ITPR2: variants seen among roughly 807,000 people sequenced by gnomAD.
ITPR2 encodes inositol 1,4,5-trisphosphate-gated calcium channel ITPR2.
A neutral mutation model predicts 317.1 loss-of-function variants in ITPR2; 207 were observed. The ratio of observed to expected loss-of-function variants is 0.65; its 90% CI spans 0.58 to 0.73. The LOEUF is 0.73. Among genes scored for constraint, ITPR2 ranks in the 30% least tolerant of loss-of-function variants. The pLI is 0.00. For missense variants in ITPR2, 2,613 were observed against 3,284.0 expected (o/e 0.80, Z 4.99); for synonymous variants, 1,156 against 1,149.1 (o/e 1.01, Z -0.12).
At chr12:26,730,136 C>T (rs529616570) in intron 2 of ITPR2, among the ~76,000 whole-genome samples, 44 of 152,254 alleles carry the variant, frequency 2.9e-4, no homozygotes, top group African/African-American at 1.0e-3. Flanking sequence ...CACGATGTGT[C>T]TTTGTATACA....
rs538221512 is a variant in ITPR2, at chr12:26,718,997, T to G, written c.526-2755A>C. The stretch of plus-strand genomic sequence containing the variant: ...CTTCCAGTGGTTCATTAAAAAATGG[T>G]ATTCATAAGTAGAATCTAACATTAA... On this transcript the variant is annotated intron_variant, in intron 5 of 56. Coordinates refer to ENST00000381340, the MANE Select transcript of ITPR2 (RefSeq NM_002223.4). Among the ~76,000 whole-genome samples the G allele has an allele frequency of 6.6e-5, 10 of 152,276 alleles. No homozygotes were observed. The South Asian group carries it at 2.1e-3, about 32-fold the overall frequency.
chr12:26,494,387 T>C (rs752542718), intron 38 of ITPR2, 47 bp from the exon 39 acceptor site: 1 of 1,214,814 alleles, frequency 8.2e-7, no homozygotes, highest in Admixed American at 2.6e-5. Context: ...GTAGACATTA[T>C]TAATATGTAA....
At chr12:26,776,396 C>T (rs1949970665) in intron 2 of ITPR2, among the ~76,000 whole-genome samples, 1 of 152,182 alleles carries the variant, frequency 6.6e-6, no homozygotes, top group South Asian at 2.1e-4. Context: ...AGCCTCAAAT[C>T]TGCTAAGACT....
At chr12:26,651,210 TC>T (rs956530067) in intron 21 of ITPR2, among the ~76,000 whole-genome samples, 1 of 152,304 alleles carries the variant, frequency 6.6e-6, no homozygotes, top group Admixed American at 6.5e-5. Flanking sequence ...CTTCAGGGAC[TC>T]CAGTTATTCA....
intron 1 of ITPR2, among the ~76,000 whole-genome samples, chr12:26,805,560 C>A (rs535140769): frequency 6.6e-6 from 1 of 152,064 alleles, no homozygotes; most frequent in South Asian, 2.1e-4. Flanking sequence ...CAAATATTTA[C>A]TGACCAGCTA....
chr12:26,511,952 T>C (rs1215607552), intron 37 of ITPR2, among the ~76,000 whole-genome samples: 2 of 152,298 alleles, frequency 1.3e-5, no homozygotes. Flanking sequence ...TAAAATCTCC[T>C]TCTCTGAAAC....
chr12:26,578,507 T>A (rs1211527032), intron 34 of ITPR2, among the ~76,000 whole-genome samples: 1 of 152,186 alleles, frequency 6.6e-6, no homozygotes, highest in African/African-American at 2.4e-5. Context: ...ATATTAAATT[T>A]AAGATTTTTA....
At chr12:26,691,837 T>C (rs1948246485) in intron 10 of ITPR2, among the ~76,000 whole-genome samples, 1 of 151,968 alleles carries the variant, frequency 6.6e-6, no homozygotes, top group Non-Finnish European at 1.5e-5. Context: ...CACAGCAGCA[T>C]AACGATGTGC....
intron 43 of ITPR2, among the ~76,000 whole-genome samples, chr12:26,477,539 C>G (rs990503402): frequency 3.9e-5 from 6 of 152,002 alleles, no homozygotes; most frequent in Non-Finnish European, 5.9e-5. Flanking sequence ...ATAATATAAA[C>G]TTATTGATAA....
intron 45 of ITPR2, among the ~76,000 whole-genome samples, chr12:26,451,209 G>A (rs1414602876): frequency 6.6e-6 from 1 of 152,054 alleles, no homozygotes; most frequent in Admixed American, 6.6e-5. Flanking sequence ...GGAGAACAGG[G>A]GTGATCATTC....
At chr12:26,675,824 A>G (rs1446365656) in intron 13 of ITPR2, among the ~76,000 whole-genome samples, 1 of 152,260 alleles carries the variant, frequency 6.6e-6, no homozygotes, top group Non-Finnish European at 1.5e-5. Flanking sequence ...AAATACAGAT[A>G]GAAAGTAATT....
chr12:26,641,794 A>G (rs1200831364), intron 21 of ITPR2, among the ~76,000 whole-genome samples: 2 of 152,216 alleles, frequency 1.3e-5, no homozygotes, highest in Non-Finnish European at 2.9e-5. Flanking sequence ...GATCTAGTGT[A>G]GAGCATGTGT....
At chr12:26,514,364 G>T (rs1429042712) in intron 37 of ITPR2, among the ~76,000 whole-genome samples, 1 of 152,198 alleles carries the variant, frequency 6.6e-6, no homozygotes, top group East Asian at 1.9e-4. Context: ...TGATTTACAG[G>T]AGTATTTACT....
At chr12:26,665,187 A>G (rs1479254504) in intron 14 of ITPR2, among the ~76,000 whole-genome samples, 3 of 152,256 alleles carry the variant, frequency 2.0e-5, no homozygotes, top group African/African-American at 7.2e-5. Context: ...AATATTGTAC[A>G]GAGCACTCGT....
chr12:26,806,695 C>T lies in ITPR2; in HGVS notation c.93-16468G>A, dbSNP rs541262678. On this transcript the variant is annotated intron_variant, in intron 1 of 56. Coordinates refer to ENST00000381340, the MANE Select transcript of ITPR2 (RefSeq NM_002223.4). ...AGCTGGGACTACAGGCACTTGCCAC[C>T]ATGCCTGGGTAATTTTTGTCTTTTT... 9.2e-5 allele frequency among the ~76,000 whole-genome samples: 14 copies of T among 152,272 alleles called. No individual in the cohort carries two copies. The South Asian group carries it at 2.9e-3, about 32-fold the overall frequency.
At chr12:26,661,265 GGTGTGT>G (rs35462087) in intron 15 of ITPR2, among the ~76,000 whole-genome samples, 1 of 37,180 alleles carries the variant, frequency 2.7e-5, no homozygotes, top group East Asian at 1.1e-3. Flanking sequence ...ACTAGGTAGG[GGTGTGT>G]GTGTGGGGGG....
At chr12:26,726,764 T>C (rs1373832893) in intron 2 of ITPR2, among the ~76,000 whole-genome samples, 2 of 152,226 alleles carry the variant, frequency 1.3e-5, no homozygotes, top group African/African-American at 4.8e-5. Flanking sequence ...TTCCTTAAAA[T>C]TAATTGTATT....
At chr12:26,671,484 C>T (rs1039483972) in intron 13 of ITPR2, among the ~76,000 whole-genome samples, 2 of 152,092 alleles carry the variant, frequency 1.3e-5, no homozygotes, top group African/African-American at 4.8e-5. Flanking sequence ...AAATACTTTA[C>T]AGACAAGCAA....
At chr12:26,510,038 A>C (rs1204753874) in intron 37 of ITPR2, among the ~76,000 whole-genome samples, 1 of 140,652 alleles carries the variant, frequency 7.1e-6, no homozygotes, top group South Asian at 2.3e-4. Flanking sequence ...AAGGGAAACA[A>C]ATTTTTAAAA....
Sources: allele counts gnomAD v4.1 joint callset (sites outside exome capture counted in the v4.1 genomes callset), GRCh38; gene constraint gnomAD v4.1.1; transcripts MANE v1.5; gene names NCBI Gene and HGNC (gene_info 2026-07-23, HGNC 2026-07-21).